The following RBM47 variants were observed in gnomAD, a reference collection of about 807,000 sequenced individuals.
RBM47 encodes the protein RNA-binding protein 47.
Under a neutral mutation model 47.1 loss-of-function variants are expected in RBM47, and 21 were observed. The ratio of observed to expected loss-of-function variants is 0.45; its 90% CI spans 0.32 to 0.64. The LOEUF is 0.64. Ranked by LOEUF, RBM47 falls within the 30% of genes least tolerant of loss-of-function variation. The pLI, the probability that RBM47 is intolerant of heterozygous loss-of-function variation, is 0.05. For missense variants in RBM47, 708 were observed against 870.9 expected, an observed-to-expected ratio of 0.81 and a Z score of 2.35; for synonymous variants, 375 against 361.7, an observed-to-expected ratio of 1.04 and a Z score of -0.42.
rs754268242 is a variant in RBM47, at chr4:40,437,108, T to A, written c.1124-461A>T. Among the ~76,000 whole-genome samples, 117 of 75,730 alleles carry A rather than the reference T, an allele frequency of 1.5e-3. 6 individuals are homozygous for A. The highest frequency in any genetic ancestry group is 6.9e-3 in the African/African-American group (85 of 12,278). The allele number at this position is 75,730 out of a possible 152,430, so 49.7% of individuals were successfully genotyped here. On this transcript the variant is annotated intron_variant, in intron 4 of 6. Coordinates refer to ENST00000295971, the MANE Select transcript of RBM47 (RefSeq NM_001098634.2). Reference sequence around the variant, plus strand: ...AAAAAAAAATATATATATATATATATATAAAATACATATATATATATATAA... The same window carrying A: ...AAAAAAAAATATATATATATATATAAATAAAATACATATATATATATATAA...
At chr4:40,563,988 T>C (rs1324685861) in intron 1 of RBM47, among the ~76,000 whole-genome samples, 2 of 152,194 alleles carry the variant, frequency 1.3e-5, no homozygotes, top group African/African-American at 2.4e-5. Context: ...CAAGGCAGAA[T>C]TGCTTGAGCC....
chr4:40,466,030 G>A (rs1377038396), intron 3 of RBM47, among the ~76,000 whole-genome samples: 1 of 152,138 alleles, frequency 6.6e-6, no homozygotes, highest in Admixed American at 6.5e-5. Flanking sequence ...ACTTTGGGAG[G>A]CTGAGGTGGG....
At chr4:40,606,621 A>G (rs34302725) in intron 1 of RBM47, among the ~76,000 whole-genome samples, 7,126 of 151,910 alleles carry the variant, frequency 0.047, 544 homozygotes, top group African/African-American at 0.16. Context: ...CACTGCCTGG[A>G]TTTGGTCTCT....
chr4:40,523,069 G>A (rs1248390063), intron 2 of RBM47, among the ~76,000 whole-genome samples: 2 of 150,038 alleles, frequency 1.3e-5, no homozygotes, highest in African/African-American at 4.9e-5. Flanking sequence ...GGGTTCAAGC[G>A]ATTCTTATGC....
At chr4:40,437,113 A>AT (rs1712677714) in intron 4 of RBM47, among the ~76,000 whole-genome samples, 5 of 71,720 alleles carry the variant, frequency 7.0e-5, no homozygotes, top group African/African-American at 4.5e-4. Flanking sequence ...ATATATATAA[A>AT]ATACATATAT....
chr4:40,448,274 T>TGTGAGA (rs1452723880), intron 3 of RBM47, among the ~76,000 whole-genome samples: 10 of 151,428 alleles, frequency 6.6e-5, no homozygotes, highest in African/African-American at 2.2e-4. Context: ...AGAGTGTGTG[T>TGTGAGA]GTGTGAGTGT....
chr4:40,617,293 T>G (rs950574955), intron 1 of RBM47, among the ~76,000 whole-genome samples: 1 of 152,096 alleles, frequency 6.6e-6, no homozygotes, highest in African/African-American at 2.4e-5. Flanking sequence ...GTGTGATGGC[T>G]CACACTTGTA....
chr4:40,574,566 T>C lies in RBM47; in HGVS notation c.-239-30060A>G, dbSNP rs149997358. On this transcript the variant is annotated intron_variant, in intron 1 of 6. Coordinates refer to ENST00000295971, the MANE Select transcript of RBM47 (RefSeq NM_001098634.2). ...AAGGAAGCTATCAAAGTATTGGAAA[T>C]GGGCTGGGTGTGGTGGCTCACGCCT... Among the ~76,000 whole-genome samples the C allele has an allele frequency of 1.2e-4, 18 of 152,286 alleles. No homozygotes were observed. The East Asian group carries it at 3.3e-3, about 28-fold the overall frequency.
chr4:40,454,682 C>G (rs977512466), intron 3 of RBM47, among the ~76,000 whole-genome samples: 1 of 151,984 alleles, frequency 6.6e-6, no homozygotes, highest in African/African-American at 2.4e-5. Context: ...ATCTTTAGTA[C>G]AGACAGGGTT....
chr4:40,605,476 G>T (rs115046687), intron 1 of RBM47, among the ~76,000 whole-genome samples: 2,427 of 152,216 alleles, frequency 0.016, 33 homozygotes, highest in Non-Finnish European at 0.025. Context: ...GCTTTTAGGT[G>T]GCAAATGAGT....
chr4:40,626,666 T>C (rs764420631), intron 1 of RBM47, among the ~76,000 whole-genome samples: 5 of 152,188 alleles, frequency 3.3e-5, no homozygotes, highest in Non-Finnish European at 7.3e-5. Context: ...CAGGTGGTCA[T>C]TGACTTCAAG....
intron 2 of RBM47, among the ~76,000 whole-genome samples, chr4:40,499,683 C>G (rs950463117): frequency 6.6e-6 from 1 of 152,204 alleles, no homozygotes; most frequent in African/African-American, 2.4e-5. Flanking sequence ...GCTGGGATAA[C>G]AGGCATGAGG....
chr4:40,449,208 C>CT (rs1386472099), intron 3 of RBM47, among the ~76,000 whole-genome samples: 4 of 152,188 alleles, frequency 2.6e-5, no homozygotes, highest in Non-Finnish European at 5.9e-5. Context: ...AACACGGGCT[C>CT]TTTTTTTCTA....
intron 4 of RBM47, among the ~76,000 whole-genome samples, chr4:40,437,172 A>AC (rs1372566825): frequency 7.9e-6 from 1 of 127,154 alleles, no homozygotes; most frequent in African/African-American, 3.1e-5. Context: ...ATATATATAT[A>AC]ATACATATAT....
chr4:40,500,277 C>A (rs1230183707), intron 2 of RBM47, among the ~76,000 whole-genome samples: 1 of 150,104 alleles, frequency 6.7e-6, no homozygotes, highest in Non-Finnish European at 1.5e-5. Flanking sequence ...CGTGCCACTG[C>A]ACTCCAGCCT....
At chr4:40,493,246 G>C (rs947538458) in intron 2 of RBM47, among the ~76,000 whole-genome samples, 2 of 152,284 alleles carry the variant, frequency 1.3e-5, no homozygotes. Context: ...AACTCATAGT[G>C]TAGTAGGAGA....
intron 2 of RBM47, among the ~76,000 whole-genome samples, chr4:40,513,702 G>A (rs569795706): frequency 6.6e-5 from 10 of 151,216 alleles, no homozygotes; most frequent in South Asian, 6.2e-4. Context: ...ATAAGAGGCC[G>A]TTTTAAACTG....
At chr4:40,585,112 T>C (rs926339501) in intron 1 of RBM47, among the ~76,000 whole-genome samples, 1 of 152,244 alleles carries the variant, frequency 6.6e-6, no homozygotes, top group African/African-American at 2.4e-5. Context: ...AGTGAATACC[T>C]AGTCCATGTG....
chr4:40,486,249 A>G (rs1202460014), intron 2 of RBM47, among the ~76,000 whole-genome samples: 1 of 152,124 alleles, frequency 6.6e-6, no homozygotes, highest in Non-Finnish European at 1.5e-5. Context: ...AACATTTATT[A>G]AAACAAAATC....
Sources: gnomAD v4.1 joint callset for allele counts (sites outside exome capture counted in the v4.1 genomes callset) on GRCh38, gnomAD v4.1.1 for gene constraint, MANE v1.5 for transcripts, NCBI Gene and HGNC (gene_info 2026-07-23, HGNC 2026-07-21) for gene names.